CFHR5: variants seen among roughly 807,000 people sequenced by gnomAD.
The protein encoded by CFHR5 is complement factor H-related protein 5.
Under a neutral mutation model 62.9 loss-of-function variants are expected in CFHR5, and 73 were observed. The ratio of observed to expected loss-of-function variants is 1.16; its 90% CI spans 0.96 to 1.41. The LOEUF is 1.41. Among genes scored for constraint, CFHR5 ranks in the 40% most tolerant of loss-of-function variants. CFHR5 has a pLI of 0.00. For missense variants in CFHR5, 779 were observed against 679.9 expected (o/e 1.15, Z -1.62); for synonymous variants, 249 against 227.2 (o/e 1.10, Z -0.86).
intron 3 of CFHR5, among the ~76,000 whole-genome samples, chr1:196,989,527 A>G (rs1439920775): frequency 6.6e-6 from 1 of 151,954 alleles, no homozygotes. Context: ...ATTTCCCTCT[A>G]CACACTGCTT....
chr1:196,982,696 T>A (rs1272496305), intron 1 of CFHR5, among the ~76,000 whole-genome samples, 189 bp from the exon 2 acceptor site: 1 of 151,846 alleles, frequency 6.6e-6, no homozygotes, highest in Non-Finnish European at 1.5e-5. Context: ...AAAGATCTCC[T>A]CAAATACTCT....
intron 3 of CFHR5, among the ~76,000 whole-genome samples, chr1:196,986,589 A>C (rs181797670): frequency 2.0e-5 from 3 of 151,952 alleles, no homozygotes; most frequent in Admixed American, 2.0e-4. Flanking sequence ...CCATTGTTCA[A>C]TTCCCACCTG....
Position 196,995,879 on chromosome 1 carries a change from C to A in CFHR5, c.770C>A (p.Thr257Lys), listed in dbSNP as rs745822899. 5.0e-6 allele frequency: 8 copies of A among 1,612,830 alleles called. No individual in the cohort carries two copies. The highest frequency in any genetic ancestry group is 3.3e-4 in the Middle Eastern group (2 of 6,058). ...ATACAATGTGTGGATGGAGAATGGA[C>A]AACTTTACCCACTTGTGTTGGTAAA... ...KKIQCVDGEWTTLPTCVEQVK... is the reference protein window; with the variant it reads ...KKIQCVDGEWKTLPTCVEQVK... Residue 257 changes from threonine (T) to lysine (K), a missense_variant, in exon 5 of 10, where the codon ACA becomes AAA. Transcript: ENST00000256785.
At chr1:196,989,737 GT>G (rs1161209976) in intron 3 of CFHR5, among the ~76,000 whole-genome samples, 3 of 152,180 alleles carry the variant, frequency 2.0e-5, no homozygotes, top group Non-Finnish European at 2.9e-5. Flanking sequence ...ATGAGAGACA[GT>G]TTGTTGTGAT....
Position 196,994,275 on chromosome 1 carries a change from A to C in CFHR5, c.607+19A>C. ...TGCAAAGGTCAGTATTTATTTTAGA[A>C]GTGATGAAACAAGAATTTGATTTTT... On this transcript the variant is annotated intron_variant, in intron 4 of 9. Transcript: ENST00000256785. 6.3e-7 allele frequency: 1 copy of C among 1,590,998 alleles called. No homozygotes were observed. The highest frequency in any genetic ancestry group is 8.6e-7 in the Non-Finnish European group (1 of 1,159,522).
chr1:196,991,497 G>A (rs1653846380), intron 3 of CFHR5, among the ~76,000 whole-genome samples: 4 of 152,136 alleles, frequency 2.6e-5, no homozygotes. Context: ...CCCCATCTTT[G>A]TGGTTTTATC....
intron 3 of CFHR5, among the ~76,000 whole-genome samples, chr1:196,987,647 A>G (rs1336064656): frequency 6.6e-6 from 1 of 151,994 alleles, no homozygotes; most frequent in Non-Finnish European, 1.5e-5. Context: ...TGTTTTTCTC[A>G]GGTTTGTCAA....
intron 3 of CFHR5, among the ~76,000 whole-genome samples, chr1:196,990,525 T>C (rs1018767529): frequency 7.9e-5 from 12 of 152,286 alleles, no homozygotes; most frequent in African/African-American, 2.2e-4. Context: ...TTCTTTTTCA[T>C]GTTTAGTGCT....
At chr1:197,005,688 A>C (rs116547158) in intron 9 of CFHR5, among the ~76,000 whole-genome samples, 2,086 of 152,276 alleles carry the variant, frequency 0.014, 48 homozygotes, top group African/African-American at 0.046. Flanking sequence ...GGTGTCCAAA[A>C]GAGACACCAT....
At position 197,006,138 on chromosome 1, in the gene CFHR5, G is replaced by A. The variant is rs532215423; in HGVS notation, c.1513+1295G>A. Among the ~76,000 whole-genome samples the A allele has an allele frequency of 3.9e-5, 6 of 152,178 alleles. No individual in the cohort carries two copies. In the South Asian group the frequency reaches 6.2e-4, roughly 16 times the overall value. On this transcript the variant is annotated intron_variant, in intron 9 of 9. Transcript: ENST00000256785. Reference sequence around the variant, plus strand: ...ATTCGCAGAAATTATCATGGCCAGTGATCATAAAATAAATTTCCAAAAGAA... The same window carrying A: ...ATTCGCAGAAATTATCATGGCCAGTAATCATAAAATAAATTTCCAAAAGAA...
At chr1:196,990,914 C>T (rs1653827260) in intron 3 of CFHR5, among the ~76,000 whole-genome samples, 1 of 152,150 alleles carries the variant, frequency 6.6e-6, no homozygotes, top group African/African-American at 2.4e-5. Flanking sequence ...GTTGACCTGC[C>T]TTGCTAGGTT....
chr1:196,997,590 GTTA>G (rs1234667426), intron 6 of CFHR5, among the ~76,000 whole-genome samples: 2 of 152,022 alleles, frequency 1.3e-5, no homozygotes. Context: ...GCTCAGTTGT[GTTA>G]TTATCAGTGA....
At chr1:196,996,798 C>G (rs193144054) in intron 6 of CFHR5, among the ~76,000 whole-genome samples, 2 of 152,056 alleles carry the variant, frequency 1.3e-5, no homozygotes, top group Non-Finnish European at 2.9e-5. Context: ...TCCCATAATT[C>G]TCTTATTTCT....
At chr1:197,002,740 C>A in intron 8 of CFHR5, 76 bp downstream of exon 8, 1 of 1,233,392 alleles carries the variant, frequency 8.1e-7, no homozygotes, top group East Asian at 2.4e-5. Context: ...AAGAAAGAAA[C>A]AAGAACTTAT....
At chr1:196,976,544 C>T (rs1050557728), upstream of CFHR5, among the ~76,000 whole-genome samples, 4 of 152,042 alleles carry the variant, frequency 2.6e-5, no homozygotes, top group Admixed American at 6.6e-5. Context: ...TGAAAGCATC[C>T]GCTCTCTTTT....
At chr1:196,992,690 T>G (rs1255838091) in intron 3 of CFHR5, among the ~76,000 whole-genome samples, 1 of 152,182 alleles carries the variant, frequency 6.6e-6, no homozygotes, top group Non-Finnish European at 1.5e-5. Context: ...TTCAATGGCA[T>G]TTTGTTTTTA....
intron 3 of CFHR5, 133 bp from the exon 4 acceptor site, chr1:196,993,946 AT>A (rs1653917127): frequency 4.2e-6 from 3 of 705,914 alleles, no homozygotes; most frequent in African/African-American, 1.8e-5. Flanking sequence ...TAATTAGTCT[AT>A]ATGTTTTCTC....
rs147860567 is a variant in CFHR5 at position 196,993,637 on chromosome 1, A to G, written c.431-443A>G. ...TATACATCATTTTTTTTATTTGACA[A>G]AAAGTAATTAAATATGTTGCAATTT... On this transcript the variant is annotated intron_variant, in intron 3 of 9. Coordinates refer to ENST00000256785, the MANE Select transcript of CFHR5 (RefSeq NM_030787.4). Among the ~76,000 whole-genome samples, 914 of 152,206 alleles carry G rather than the reference A, an allele frequency of 6.0e-3. 10 individuals are homozygous for G. The highest frequency in any genetic ancestry group is 0.021 in the African/African-American group (870 of 41,518).
intron 3 of CFHR5, among the ~76,000 whole-genome samples, chr1:196,992,710 T>TA (rs1219447681): frequency 3.3e-5 from 5 of 152,078 alleles, no homozygotes; most frequent in African/African-American, 4.8e-5. Flanking sequence ...AACAATTAGT[T>TA]AAAAAAAGAC....
Sources: allele counts gnomAD v4.1 joint callset (sites outside exome capture counted in the v4.1 genomes callset), GRCh38; gene constraint gnomAD v4.1.1; transcripts MANE v1.5; gene names NCBI Gene and HGNC (gene_info 2026-07-23, HGNC 2026-07-21).